The following ZC3H15 variants were observed in gnomAD, a reference collection of about 807,000 sequenced individuals.
ZC3H15 encodes the protein zinc finger CCCH domain-containing protein 15.
In ZC3H15, 15 loss-of-function variants were observed where a neutral mutation model predicts 51.2. The ratio of observed to expected loss-of-function variants is 0.29; its 90% confidence interval spans 0.20 to 0.45. The LOEUF is 0.45. ZC3H15 is among the 20% of genes least tolerant of loss of function. ZC3H15 has a pLI of 1.00. For synonymous variants in ZC3H15, 144 were observed against 162.8 expected (o/e 0.88, Z 0.88); for missense variants, 381 against 494.7 (o/e 0.77, Z 2.18).
Position 186,500,307 on chromosome 2 carries a change from T to C in ZC3H15, c.289+14T>C. 6.4e-7 allele frequency: 1 copy of C among 1,574,664 alleles called. No individual in the cohort carries two copies. Among genetic ancestry groups the C allele is most frequent in the African/African-American group, 1.4e-5 (1 of 73,240 alleles). ...AAATAAGTAAAGGTAAACTTAAAAT[T>C]TCAGAAGTGTGATTTTTTATCAAAT... On this transcript the variant is annotated intron_variant, in intron 3 of 9. Transcript: ENST00000337859.
intron 1 of ZC3H15, among the ~76,000 whole-genome samples, chr2:186,492,677 T>G (rs1266148209): frequency 2.0e-5 from 3 of 152,194 alleles, no homozygotes; most frequent in Non-Finnish European, 4.4e-5. Flanking sequence ...CTGTAAACAT[T>G]ATGTCATGTT....
At chr2:186,507,146 G>A (rs542622210) in intron 9 of ZC3H15, among the ~76,000 whole-genome samples, 1 of 152,286 alleles carries the variant, frequency 6.6e-6, no homozygotes, top group South Asian at 2.1e-4. Context: ...AGGATATTGT[G>A]TAGACATGAA....
chr2:186,506,073 T>C, intron 8 of ZC3H15: 2 of 614,548 alleles, frequency 3.3e-6, no homozygotes, highest in East Asian at 3.1e-5. Flanking sequence ...AGTAGTTCTT[T>C]ATACAGCTTA....
intron 2 of ZC3H15, chr2:186,499,765 G>A (rs1685346811): frequency 5.7e-6 from 2 of 353,150 alleles, no homozygotes; most frequent in East Asian, 1.6e-4. Context: ...TTTCCATGAG[G>A]GCACTATATA....
chr2:186,499,111 C>A (rs1685335371), intron 2 of ZC3H15, among the ~76,000 whole-genome samples: 1 of 152,176 alleles, frequency 6.6e-6, no homozygotes, highest in Non-Finnish European at 1.5e-5. Flanking sequence ...CATGTTCAGT[C>A]AGTCCTATCA....
At chr2:186,500,458 G>A (rs1029295416) in intron 3 of ZC3H15, among the ~76,000 whole-genome samples, 165 bp downstream of exon 3, 6 of 152,116 alleles carry the variant, frequency 3.9e-5, no homozygotes, top group Non-Finnish European at 7.4e-5. Context: ...TGATTCCTCT[G>A]TATATGTTCA....
At chr2:186,506,131 A>T (rs1685463744) in intron 8 of ZC3H15, 1 of 440,560 alleles carries the variant, frequency 2.3e-6, no homozygotes, top group Non-Finnish European at 4.2e-6. Flanking sequence ...TACCTGTAAA[A>T]AGTATGTTTT....
In ZC3H15 at chr2:186,506,699, A is replaced by C. The variant is rs1275153488; in HGVS notation, c.967-14A>C. 1.3e-6 allele frequency: 2 copies of C among 1,595,054 alleles called. No individual in the cohort carries two copies. Among genetic ancestry groups the C allele is most frequent in the South Asian group, 1.1e-5 (1 of 88,866 alleles). On this transcript the variant is annotated splice_polypyrimidine_tract_variant and intron_variant, in intron 8 of 9. Transcript: ENST00000337859. ...CTTATTTGTAACAACTTTCTTTTCT[A>C]TATGTTGTTAAAGGTTGATGATTCA...
chr2:186,500,698 T>A (rs1039176820), intron 3 of ZC3H15: 1 of 456,362 alleles, frequency 2.2e-6, no homozygotes, highest in Admixed American at 2.3e-5. Flanking sequence ...TTTTTTGAGA[T>A]GGATTGTTGC....
chr2:186,502,938 A>G (rs1026601163), intron 5 of ZC3H15, among the ~76,000 whole-genome samples: 6 of 152,154 alleles, frequency 3.9e-5, no homozygotes, highest in African/African-American at 1.4e-4. Flanking sequence ...CCCACTTAAT[A>G]ATGTATTTAG....
chr2:186,500,566 T>A, intron 3 of ZC3H15: 1 of 568,702 alleles, frequency 1.8e-6, no homozygotes, highest in South Asian at 1.5e-5. Flanking sequence ...TAACATTCAG[T>A]CTTTGGTAGT....
chr2:186,490,055 T>G (rs1390175287), intron 1 of ZC3H15, among the ~76,000 whole-genome samples: 1 of 152,210 alleles, frequency 6.6e-6, no homozygotes. Context: ...TATACAGTGC[T>G]TAGTTCCTGC....
At chr2:186,502,830 C>T (rs985954323) in intron 5 of ZC3H15, among the ~76,000 whole-genome samples, 1 of 152,062 alleles carries the variant, frequency 6.6e-6, no homozygotes, top group Non-Finnish European at 1.5e-5. Flanking sequence ...ATGCCATTTT[C>T]TGAGGTGAAC....
At chr2:186,489,595 A>G (rs1235420462) in intron 1 of ZC3H15, among the ~76,000 whole-genome samples, 2 of 152,224 alleles carry the variant, frequency 1.3e-5, no homozygotes, top group Non-Finnish European at 2.9e-5. Context: ...TAACTAAAAC[A>G]TGTATTTTTA....
chr2:186,497,315 C>A (rs777912689), intron 2 of ZC3H15, among the ~76,000 whole-genome samples: 6 of 152,204 alleles, frequency 3.9e-5, no homozygotes, highest in South Asian at 2.1e-4. Context: ...CCAACACTTT[C>A]CTTTCACATC....
chr2:186,488,230 T>A (rs1053829351), intron 1 of ZC3H15, among the ~76,000 whole-genome samples: 1 of 152,190 alleles, frequency 6.6e-6, no homozygotes, highest in Non-Finnish European at 1.5e-5. Flanking sequence ...AGATGTATAG[T>A]TCTATGTGTT....
At chr2:186,493,678 C>T (rs952254243) in intron 1 of ZC3H15, among the ~76,000 whole-genome samples, 1 of 151,954 alleles carries the variant, frequency 6.6e-6, no homozygotes, top group South Asian at 2.1e-4. Context: ...TTAGTGTCAG[C>T]AGGGCCATGC....
chr2:186,504,032 G>T lies in ZC3H15; in HGVS notation c.535G>T (p.Val179Leu). Residue 179 changes from valine to leucine, a missense_variant and splice_region_variant, in exon 6 of 10, where the codon GTG becomes TTG. By Grantham distance (32) the Val-to-Leu change is conservative. Coordinates refer to ENST00000337859, the MANE Select transcript of ZC3H15 (RefSeq NM_018471.3). Reference sequence around the variant, plus strand: ...CTTGTGAATAATATTGTCTCTATAGGTGTGCAAGCATTTCCTGGAAGCTAT... The same window carrying T: ...CTTGTGAATAATATTGTCTCTATAGTTGTGCAAGCATTTCCTGGAAGCTAT... The part of the protein sequence containing the change: ...AEKKKPKTQI[V>L]CKHFLEAIEN... The T allele has an allele frequency of 6.3e-7, 1 of 1,590,326 alleles. No individual in the cohort carries two copies. The highest frequency in any genetic ancestry group is 8.5e-7 in the Non-Finnish European group (1 of 1,170,014).
intron 3 of ZC3H15, chr2:186,500,636 C>T: frequency 2.1e-6 from 1 of 484,708 alleles, no homozygotes; most frequent in Non-Finnish European, 4.1e-6. Context: ...ACTGTTCTGT[C>T]ATGTATGTTC....
Sources: allele counts gnomAD v4.1 joint callset (sites outside exome capture counted in the v4.1 genomes callset), GRCh38; gene constraint gnomAD v4.1.1; transcripts MANE v1.5; gene names NCBI Gene and HGNC (gene_info 2026-07-23, HGNC 2026-07-21).